Variants in WIPF3 observed in about 807,000 individuals in gnomAD.
WIPF3 encodes WAS/WASL-interacting protein family member 3.
WIPF3 carries 33 observed loss-of-function variants against 38.9 expected under a neutral mutation model. The observed-to-expected ratio is 0.85, with a 90% CI of 0.64 to 1.14. The LOEUF (loss-of-function observed/expected upper bound fraction) is 1.14, where lower values mean the gene tolerates loss of function less well. Among genes scored for constraint, WIPF3 ranks in the 50% most tolerant of loss-of-function variants. WIPF3 has a pLI of 0.00. For synonymous variants in WIPF3, 324 were observed against 269.3 expected, an observed-to-expected ratio of 1.20 and a Z score of -1.99; for missense variants, 711 against 652.5, an observed-to-expected ratio of 1.09 and a Z score of -0.98.
Position 29,884,108 on chromosome 7 carries a change from G to A in WIPF3, c.614G>A (p.Gly205Asp), listed in dbSNP as rs1479395780. 1.3e-6 allele frequency: 2 copies of A among 1,501,014 alleles called. No homozygotes were observed. The highest frequency in any genetic ancestry group is 8.9e-7 in the Non-Finnish European group (1 of 1,122,616). 93.0% of individuals were successfully genotyped at this position (1,501,014 alleles called of 1,614,324 possible). ...AAAACTCCGCTTGTGTCCCCACCCG[G>A]CCCACTGACCAAAGGGAACCTCCCG... ...PIKTPLVSPPGPLTKGNLPVV... is the reference protein window; with the variant it reads ...PIKTPLVSPPDPLTKGNLPVV... The change falls in exon 5 of 9, where the codon GGC becomes GAC. Residue 205 changes from glycine (G) to aspartate (D), a missense_variant. Gly to Asp is a moderately conservative substitution (Grantham distance 94). Transcript: ENST00000242140.
chr7:29,842,958 G>A (rs542091227), intron 2 of WIPF3, among the ~76,000 whole-genome samples: 2 of 152,288 alleles, frequency 1.3e-5, no homozygotes, highest in South Asian at 4.1e-4. Context: ...TGAGGGACTG[G>A]GGACGCTTAC....
At chr7:29,900,224 A>G (rs1786247092) in intron 7 of WIPF3, among the ~76,000 whole-genome samples, 1 of 152,198 alleles carries the variant, frequency 6.6e-6, no homozygotes, top group African/African-American at 2.4e-5. Context: ...GGTGTGAGCC[A>G]CTGCACCCAG....
intron 2 of WIPF3, among the ~76,000 whole-genome samples, chr7:29,845,475 T>C (rs1427544879): frequency 6.6e-6 from 1 of 152,256 alleles, no homozygotes; most frequent in Admixed American, 6.5e-5. Flanking sequence ...TGGTCACTGC[T>C]TGGTCATGAG....
intron 1 of WIPF3, among the ~76,000 whole-genome samples, chr7:29,832,667 C>A (rs1376919086): frequency 6.6e-6 from 1 of 152,222 alleles, no homozygotes; most frequent in Non-Finnish European, 1.5e-5. Context: ...TCAGCTTATG[C>A]ACCTCCTTGG....
chr7:29,909,294 A>C (rs1583632274), intron 8 of WIPF3, among the ~76,000 whole-genome samples: 1 of 152,106 alleles, frequency 6.6e-6, no homozygotes, highest in East Asian at 1.9e-4. Context: ...GAAATGAAGA[A>C]AATTAAAACA....
intron 7 of WIPF3, among the ~76,000 whole-genome samples, chr7:29,894,664 TG>T (rs1173135237): frequency 1.3e-5 from 2 of 152,132 alleles, no homozygotes; most frequent in Non-Finnish European, 2.9e-5. Flanking sequence ...CTTCGTGGTC[TG>T]GGAGACAGTG....
chr7:29,896,416 A>T (rs918809767), intron 7 of WIPF3, among the ~76,000 whole-genome samples: 1 of 152,204 alleles, frequency 6.6e-6, no homozygotes, highest in African/African-American at 2.4e-5. Flanking sequence ...AGAGCTCGAG[A>T]CGAGCCTGGG....
intron 8 of WIPF3, among the ~76,000 whole-genome samples, chr7:29,907,437 A>G (rs535790968): frequency 3.9e-5 from 6 of 152,366 alleles, no homozygotes; most frequent in African/African-American, 1.2e-4. Flanking sequence ...ATCAAATTAT[A>G]GTCTTACAAC....
At chr7:29,807,071 T>A (rs1784293120) in intron 1 of WIPF3, among the ~76,000 whole-genome samples, 1 of 151,908 alleles carries the variant, frequency 6.6e-6, no homozygotes, top group African/African-American at 2.4e-5. Context: ...CTTCTCCGCT[T>A]CGCCCCCGGA....
intron 1 of WIPF3, among the ~76,000 whole-genome samples, chr7:29,830,941 A>T (rs1428218405): frequency 6.6e-6 from 1 of 152,210 alleles, no homozygotes; most frequent in Non-Finnish European, 1.5e-5. Context: ...GTGTATTTGT[A>T]ACTCCAAAAT....
intron 7 of WIPF3, among the ~76,000 whole-genome samples, chr7:29,901,433 G>A (rs1204575073): frequency 8.9e-6 from 1 of 111,844 alleles, no homozygotes; most frequent in African/African-American, 3.9e-5. Context: ...TTGCCTTTCT[G>A]TTTTAGGGAG....
At chr7:29,830,511 T>C (rs1784700542) in intron 1 of WIPF3, among the ~76,000 whole-genome samples, 1 of 151,512 alleles carries the variant, frequency 6.6e-6, no homozygotes, top group South Asian at 2.1e-4. Context: ...TCCTAGCTAC[T>C]TGGGAGGCTG....
chr7:29,914,517 G>C lies in WIPF3; in HGVS notation c.*1G>C. ...GTTATCTCTAAAGACTCTTCGGTGA[G>C]AAGACAGATGAAGCGAAGGTCCTGG... On this transcript the variant is annotated 3_prime_UTR_variant, in exon 9 of 9. Transcript: ENST00000242140. 1 of 1,519,150 alleles carries C rather than the reference G, an allele frequency of 6.6e-7. No individual in the cohort carries two copies. The allele number at this position is 1,519,150 out of a possible 1,614,324, so 94.1% of individuals were successfully genotyped here. A position where few individuals can be genotyped will look rare whatever the true frequency, so the allele number is the denominator to read the frequency against.
rs545912492 is a variant in WIPF3 at position 29,814,547 on chromosome 7, G to A, written c.-58+7869G>A. 8.8e-4 allele frequency among the ~76,000 whole-genome samples: 134 copies of A among 152,298 alleles called. 1 individual carries two copies. The highest frequency in any genetic ancestry group is 3.4e-3 in the Middle Eastern group (1 of 294). ...GCTTGTCGAAGGCTGGGGGAGTTGT[G>A]GAAAGCACACAGGCTTGGGATCAAA... On this transcript the variant is annotated intron_variant, in intron 1 of 8. Transcript: ENST00000242140.
In WIPF3 at chr7:29,888,162, G is replaced by A; in HGVS notation, c.1194G>A (p.Trp398Ter). The A allele has an allele frequency of 6.2e-7, 1 of 1,613,490 alleles. No homozygotes were observed. The highest frequency in any genetic ancestry group is 8.5e-7 in the Non-Finnish European group (1 of 1,179,718). ...GCAAGAGCCAGCAGGCCACAGCCTG[G>A]ACCCCGACGCAGCAGCCTGGAGGTC... is the stretch of plus-strand genomic sequence containing the variant. ...LSSKSQQATA[W>*]TPTQQPGGQL... The change falls in exon 6 of 9, where the codon TGG (tryptophan) becomes TGA (stop). Residue 398 changes from tryptophan to a stop codon, truncating the protein, a stop_gained. Transcript: ENST00000242140. LOFTEE classifies it high-confidence loss of function.
intron 1 of WIPF3, among the ~76,000 whole-genome samples, chr7:29,834,207 A>G (rs1198753347): frequency 6.6e-6 from 1 of 152,180 alleles, no homozygotes. Context: ...TCATGAGTTC[A>G]TGTTGAGCCT....
chr7:29,880,980 ATCC>A, intron 4 of WIPF3, among the ~76,000 whole-genome samples: 1 of 151,080 alleles, frequency 6.6e-6, no homozygotes, highest in Admixed American at 6.6e-5. Context: ...CACTCACACT[ATCC>A]TCCTTGCTGC....
chr7:29,911,390 C>T (rs997855391), intron 8 of WIPF3, among the ~76,000 whole-genome samples: 1 of 151,994 alleles, frequency 6.6e-6, no homozygotes, highest in Non-Finnish European at 1.5e-5. Flanking sequence ...ACATTTTCTT[C>T]AGAAATAGAA....
At chr7:29,890,341 G>A (rs1785977698) in intron 7 of WIPF3, among the ~76,000 whole-genome samples, 1 of 138,652 alleles carries the variant, frequency 7.2e-6, no homozygotes. Flanking sequence ...GACAGAGTGA[G>A]ACTCTGTATC....
Sources: gnomAD v4.1 joint callset for allele counts (sites outside exome capture counted in the v4.1 genomes callset) on GRCh38, gnomAD v4.1.1 for gene constraint, MANE v1.5 for transcripts, NCBI Gene and HGNC (gene_info 2026-07-23, HGNC 2026-07-21) for gene names.